POLH: variants seen among roughly 807,000 people sequenced by gnomAD.
POLH encodes the protein DNA polymerase eta transcript.
A neutral mutation model predicts 73.6 loss-of-function variants in POLH; 53 were observed. The ratio of observed to expected loss-of-function variants is 0.72; its 90% CI spans 0.58 to 0.91. POLH has a LOEUF of 0.91. Ranked by LOEUF, POLH falls within the 40% of genes least tolerant of loss-of-function variation. POLH has a pLI of 0.00. For synonymous variants in POLH, 292 were observed against 308.5 expected (o/e 0.95, Z 0.56); for missense variants, 768 against 865.4 (o/e 0.89, Z 1.41).
Position 43,614,163 on chromosome 6 carries a change from A to C in POLH, c.1748A>C (p.Lys583Thr). Residue 583 changes from lysine (K) to threonine (T), a missense_variant, in exon 11 of 11, where the codon AAG becomes ACG. Coordinates refer to ENST00000372236, the MANE Select transcript of POLH (RefSeq NM_006502.3). ...GTCCCTGTTTGTGAAGGGGTGTCGA[A>C]GCTAGAAGAATCCTCTAAAGCAACT... ...GCVPVCEGVS[K>T]LEESSKATPA... 1.2e-6 allele frequency: 2 copies of C among 1,614,226 alleles called. No individual in the cohort carries two copies. Among genetic ancestry groups the C allele is most frequent in the Non-Finnish European group, 1.7e-6 (2 of 1,180,046 alleles).
Position 43,582,366 on chromosome 6 carries a change from G to A in POLH, c.47G>A (p.Cys16Tyr), listed in dbSNP as rs780033894. 1 of 1,613,984 alleles carries A rather than the reference G, an allele frequency of 6.2e-7. No individual in the cohort carries two copies. Among genetic ancestry groups the A allele is most frequent in the South Asian group, 1.1e-5 (1 of 91,066 alleles). ...DRVVALVDMD[C>Y]FFVQVEQRQN... The stretch of plus-strand genomic sequence containing the variant: ...GTGGTTGCTCTCGTGGACATGGACT[G>A]TTTTTTTGTTCAAGTGGAGCAGCGG... Residue 16 changes from cysteine (C) to tyrosine (Y), a missense_variant, in exon 2 of 11, where the codon TGT becomes TAT. Coordinates refer to ENST00000372236, the MANE Select transcript of POLH (RefSeq NM_006502.3).
At position 43,619,967 on chromosome 6, in the gene POLH, G is replaced by A. The variant is rs1768603518; in HGVS notation, c.*5410G>A. ...CCTCAAAATGCAGTTTCTATTTACAGTTGACTTTGGCCCCTATTTACCCAT... is the reference window on the plus strand; with the variant it reads ...CCTCAAAATGCAGTTTCTATTTACAATTGACTTTGGCCCCTATTTACCCAT... On this transcript the variant is annotated 3_prime_UTR_variant, in exon 11 of 11. Coordinates refer to ENST00000372236, the MANE Select transcript of POLH (RefSeq NM_006502.3). Among the ~76,000 whole-genome samples the A allele has an allele frequency of 6.6e-6, 1 of 152,160 alleles. No individual in the cohort carries two copies. Among genetic ancestry groups the A allele is most frequent in the Non-Finnish European group, 1.5e-5 (1 of 68,034 alleles).
At chr6:43,609,685 A>G (rs758179009) in intron 9 of POLH, among the ~76,000 whole-genome samples, 1 of 152,196 alleles carries the variant, frequency 6.6e-6, no homozygotes, top group East Asian at 1.9e-4. Context: ...TTGGTGGCGA[A>G]TGTTTGTTTA....
chr6:43,598,120 A>C (rs1314011120), intron 5 of POLH, among the ~76,000 whole-genome samples: 1 of 150,828 alleles, frequency 6.6e-6, no homozygotes, highest in African/African-American at 2.5e-5. Context: ...TGGGAGGATC[A>C]GCTGAGTCCA....
chr6:43,605,191 C>G lies in POLH; in HGVS notation c.1009-63C>G, dbSNP rs1475661693. 3.3e-6 allele frequency: 3 copies of G among 915,562 alleles called. No homozygotes were observed. The East Asian group carries it at 7.5e-5, about 23-fold the overall frequency. 56.7% of individuals were successfully genotyped at this position (915,562 alleles called of 1,614,324 possible). On this transcript the variant is annotated intron_variant, in intron 8 of 10. Transcript: ENST00000372236. ...GGAGAAAAAAAAGAACAAATAACAC[C>G]ATCTAGTTCTTAATAGACTTCGAGT...
intron 9 of POLH, among the ~76,000 whole-genome samples, chr6:43,608,396 ATGTT>A (rs1290014589): frequency 6.6e-6 from 1 of 152,200 alleles, no homozygotes; most frequent in Non-Finnish European, 1.5e-5. Context: ...TGGGTGGTAA[ATGTT>A]TGTTCCTTTG....
At chr6:43,607,073 T>G (rs1354144253) in intron 9 of POLH, among the ~76,000 whole-genome samples, 1 of 152,202 alleles carries the variant, frequency 6.6e-6, no homozygotes, top group Non-Finnish European at 1.5e-5. Flanking sequence ...TAGCATGTAT[T>G]AGTACTTAGT....
intron 6 of POLH, among the ~76,000 whole-genome samples, chr6:43,602,497 A>G (rs1766843485): frequency 6.6e-6 from 1 of 152,214 alleles, no homozygotes; most frequent in Non-Finnish European, 1.5e-5. Context: ...ACAGCAAAGC[A>G]GTACTGATTT....
In POLH at chr6:43,613,676, A is replaced by G. The variant is rs779022580; in HGVS notation, c.1261A>G (p.Met421Val). 1.9e-6 allele frequency: 3 copies of G among 1,613,846 alleles called. No individual in the cohort carries two copies. The highest frequency in any genetic ancestry group is 1.7e-5 in the Admixed American group (1 of 59,988). Reference protein sequence around the residue: ...IQTEWSPPLTMLFLCATKFSA... With the variant: ...IQTEWSPPLTVLFLCATKFSA... ...TCTGTATAGGTCTCCTCCTCTCACA[A>G]TGCTTTTCCTCTGTGCTACAAAATT... The change falls in exon 11 of 11, where the codon ATG (methionine) becomes GTG (valine). Residue 421 changes from methionine to valine, a missense_variant. Met to Val is a conservative substitution (Grantham distance 21, BLOSUM62 1). Coordinates refer to ENST00000372236, the MANE Select transcript of POLH (RefSeq NM_006502.3).
At chr6:43,590,363 A>C (rs1434628401) in intron 4 of POLH, among the ~76,000 whole-genome samples, 1 of 151,780 alleles carries the variant, frequency 6.6e-6, no homozygotes, top group Non-Finnish European at 1.5e-5. Context: ...ATCTTAAAAA[A>C]AAAAAAACAA....
At chr6:43,578,079 T>C (rs1582260781) in intron 1 of POLH, among the ~76,000 whole-genome samples, 1 of 145,676 alleles carries the variant, frequency 6.9e-6, no homozygotes, top group African/African-American at 2.5e-5. Flanking sequence ...AGACTCTGTC[T>C]AGGAAAAAAA....
chr6:43,605,562 A>G (rs963471848), intron 9 of POLH, among the ~76,000 whole-genome samples: 3 of 148,254 alleles, frequency 2.0e-5, no homozygotes, highest in Non-Finnish European at 3.0e-5. Flanking sequence ...TCTCCTCCCA[A>G]CTCAGCCTCC....
At position 43,619,666 on chromosome 6, in the gene POLH, A is replaced by G. The variant is rs1268763681; in HGVS notation, c.*5109A>G. Among the ~76,000 whole-genome samples the G allele has an allele frequency of 1.3e-5, 2 of 152,212 alleles. No individual in the cohort carries two copies. Among genetic ancestry groups the G allele is most frequent in the Non-Finnish European group, 2.9e-5 (2 of 68,040 alleles). ...AGTTCCTGGAGATGTCTTATTAAGTACTGAAATGTGATTTTCCAAAATTTT... is the reference window on the plus strand; with the variant it reads ...AGTTCCTGGAGATGTCTTATTAAGTGCTGAAATGTGATTTTCCAAAATTTT... On this transcript the variant is annotated 3_prime_UTR_variant, in exon 11 of 11. Transcript: ENST00000372236.
intron 4 of POLH, 110 bp from the exon 5 acceptor site, chr6:43,597,586 T>G (rs1429286135): frequency 1.9e-6 from 2 of 1,073,574 alleles, no homozygotes; most frequent in Non-Finnish European, 2.7e-6. Context: ...CATTTTTTTG[T>G]GAAAACTTAT....
At chr6:43,578,507 A>G (rs1421286710) in intron 1 of POLH, 1 of 368,026 alleles carries the variant, frequency 2.7e-6, no homozygotes, top group Non-Finnish European at 5.2e-6. Context: ...CGGGGGGACA[A>G]GAGCGAGACT....
chr6:43,611,794 G>A (rs992325977), intron 10 of POLH, among the ~76,000 whole-genome samples: 2 of 152,050 alleles, frequency 1.3e-5, no homozygotes, highest in African/African-American at 4.8e-5. Flanking sequence ...GGTGGCTCAC[G>A]GCTGTAATCC....
In POLH at chr6:43,618,498, C is replaced by T. The variant is rs1039660628; in HGVS notation, c.*3941C>T. ...TCCACTCTTGTGTGTGAAAAGTCAGCTCTTTTGGCTTTTCTGTTATGGGGA... is the reference window on the plus strand; with the variant it reads ...TCCACTCTTGTGTGTGAAAAGTCAGTTCTTTTGGCTTTTCTGTTATGGGGA... On this transcript the variant is annotated 3_prime_UTR_variant, in exon 11 of 11. Coordinates refer to ENST00000372236, the MANE Select transcript of POLH (RefSeq NM_006502.3). 6.6e-6 allele frequency among the ~76,000 whole-genome samples: 1 copy of T among 152,072 alleles called. No homozygotes were observed. The highest frequency in any genetic ancestry group is 1.5e-5 in the Non-Finnish European group (1 of 68,020).
chr6:43,610,670 T>G lies in POLH; in HGVS notation c.1191T>G (p.His397Gln). 6.2e-7 allele frequency: 1 copy of G among 1,613,556 alleles called. No individual in the cohort carries two copies. The highest frequency in any genetic ancestry group is 8.5e-7 in the Non-Finnish European group (1 of 1,179,842). Residue 397 changes from histidine to glutamine, a missense_variant, in exon 10 of 11, where the codon CAT becomes CAG. Transcript: ENST00000372236. The part of the protein sequence containing the change: ...LTRYDAHKMS[H>Q]DAFTVIKNCN... ...GCTATGATGCTCACAAGATGAGCCATGATGCATTTACTGTCATCAAGAACT... is the reference window on the plus strand; with the variant it reads ...GCTATGATGCTCACAAGATGAGCCAGGATGCATTTACTGTCATCAAGAACT...
Position 43,610,596 on chromosome 6 carries a change from C to T in POLH, c.1117C>T (p.Gln373Ter), listed in dbSNP as rs121908564. The T allele has an allele frequency of 1.2e-6, 2 of 1,614,018 alleles. No individual in the cohort carries two copies. The highest frequency in any genetic ancestry group is 1.7e-6 in the Non-Finnish European group (2 of 1,179,940). ...CCAGCTGGTTGTGAGCATTCGTGTA[C>T]AAGGAGACAAACGCCTCAGCAGCCT... ...ATQLVVSIRV[Q>*]GDKRLSSLRR... The change falls in exon 10 of 11, where the codon CAA (glutamine) becomes TAA (stop). Residue 373 changes from glutamine to a stop codon, truncating the protein, a stop_gained. Transcript: ENST00000372236. LOFTEE classifies it high-confidence loss of function.
Sources: gnomAD v4.1 joint callset for allele counts (sites outside exome capture counted in the v4.1 genomes callset) on GRCh38, gnomAD v4.1.1 for gene constraint, MANE v1.5 for transcripts, NCBI Gene and HGNC (gene_info 2026-07-23, HGNC 2026-07-21) for gene names.